The following GRIA4 variants were observed in gnomAD, a reference collection of about 807,000 sequenced individuals.
GRIA4 encodes the protein glutamate receptor 4.
In GRIA4, 34 loss-of-function variants were observed where a neutral mutation model predicts 104.0. The observed-to-expected ratio is 0.33, with a 90% CI of 0.25 to 0.44. The LOEUF is 0.44. Ranked by LOEUF, GRIA4 falls within the 20% of genes least tolerant of loss-of-function variation. The probability of loss-of-function intolerance (pLI) is 1.00; values close to 1 mark genes in which losing one functional copy is unlikely to be tolerated. For synonymous variants in GRIA4, 386 were observed against 381.9 expected (o/e 1.01, Z -0.13); for missense variants, 750 against 1,096.5 (o/e 0.68, Z 4.46).
At chr11:105,727,845 C>G (rs1276950805) in intron 3 of GRIA4, among the ~76,000 whole-genome samples, 1 of 152,168 alleles carries the variant, frequency 6.6e-6, no homozygotes, top group African/African-American at 2.4e-5. Flanking sequence ...TTGTCACCAC[C>G]AGGCCTGCCT....
At chr11:105,819,638 G>C (rs1047105964) in intron 4 of GRIA4, among the ~76,000 whole-genome samples, 1 of 152,018 alleles carries the variant, frequency 6.6e-6, no homozygotes, top group Non-Finnish European at 1.5e-5. Flanking sequence ...ACGCTCCTGG[G>C]TAGGGGGTAA....
chr11:105,733,247 A>G (rs187352192), intron 3 of GRIA4, among the ~76,000 whole-genome samples: 107 of 152,330 alleles, frequency 7.0e-4, no homozygotes, highest in African/African-American at 2.4e-3. Context: ...ATGATGCCAT[A>G]CTTTAGAGAA....
chr11:105,669,038 C>G (rs1489740217), intron 3 of GRIA4, among the ~76,000 whole-genome samples: 2 of 151,906 alleles, frequency 1.3e-5, no homozygotes, highest in East Asian at 3.9e-4. Flanking sequence ...AGAGTGCATA[C>G]CTTTCAGCAG....
intron 4 of GRIA4, among the ~76,000 whole-genome samples, chr11:105,843,299 C>T (rs1399013993): frequency 6.6e-6 from 1 of 151,734 alleles, no homozygotes. Context: ...AATAGGGTCA[C>T]TTGATCTTCA....
intron 5 of GRIA4, among the ~76,000 whole-genome samples, chr11:105,868,856 C>T (rs1450319301): frequency 6.6e-6 from 1 of 152,114 alleles, no homozygotes; most frequent in Non-Finnish European, 1.5e-5. Flanking sequence ...TTGAGCTTTG[C>T]TCAATCAGGA....
At chr11:105,903,747 C>G in intron 7 of GRIA4, 67 bp from the exon 8 acceptor site, 1 of 1,094,894 alleles carries the variant, frequency 9.1e-7, no homozygotes. Flanking sequence ...TTACAAAGAC[C>G]CCAGACCATT....
intron 3 of GRIA4, among the ~76,000 whole-genome samples, chr11:105,718,143 T>C (rs1954165639): frequency 6.6e-6 from 1 of 152,064 alleles, no homozygotes; most frequent in Non-Finnish European, 1.5e-5. Flanking sequence ...AAGCCCAGAA[T>C]ATGGAAAAAG....
At chr11:105,932,148 C>T (rs1355416507) in intron 13 of GRIA4, among the ~76,000 whole-genome samples, 10 of 148,314 alleles carry the variant, frequency 6.7e-5, no homozygotes, top group Admixed American at 4.7e-4. Context: ...TTCTTTTTTT[C>T]TTTTTTTTTA....
chr11:105,668,068 C>T (rs1287506276), intron 3 of GRIA4, among the ~76,000 whole-genome samples: 1 of 151,184 alleles, frequency 6.6e-6, no homozygotes, highest in Non-Finnish European at 1.5e-5. Context: ...ACTATTTTAG[C>T]TTTGACATAT....
At chr11:105,902,667 TGA>T (rs1477281931) in intron 7 of GRIA4, among the ~76,000 whole-genome samples, 1 of 152,178 alleles carries the variant, frequency 6.6e-6, no homozygotes, top group Non-Finnish European at 1.5e-5. Context: ...GAATTTCAAA[TGA>T]TTTTTCTTCA....
chr11:105,712,542 A>T (rs1953947455), intron 3 of GRIA4, among the ~76,000 whole-genome samples: 1 of 152,160 alleles, frequency 6.6e-6, no homozygotes, highest in Non-Finnish European at 1.5e-5. Context: ...TGAAAATTGC[A>T]AAGGAAATTC....
At chr11:105,717,585 T>C (rs967267274) in intron 3 of GRIA4, among the ~76,000 whole-genome samples, 1 of 152,050 alleles carries the variant, frequency 6.6e-6, no homozygotes, top group Non-Finnish European at 1.5e-5. Flanking sequence ...GAAGTACAAA[T>C]TCCAATGGTA....
intron 3 of GRIA4, among the ~76,000 whole-genome samples, chr11:105,733,644 G>A (rs2135621344): frequency 6.6e-6 from 1 of 152,054 alleles, no homozygotes; most frequent in Admixed American, 6.5e-5. Context: ...TTTTAGTAGA[G>A]ACGGGGTTTC....
intron 3 of GRIA4, among the ~76,000 whole-genome samples, chr11:105,637,065 T>C (rs1045403946): frequency 1.3e-5 from 2 of 152,212 alleles, no homozygotes; most frequent in African/African-American, 4.8e-5. Flanking sequence ...AGAACGTTTA[T>C]AAGATTAAAA....
intron 3 of GRIA4, among the ~76,000 whole-genome samples, chr11:105,627,236 G>GTGTA (rs1950909033): frequency 1.3e-5 from 2 of 152,100 alleles, no homozygotes; most frequent in South Asian, 4.1e-4. Context: ...AAAGTGTAAG[G>GTGTA]TGTATGGATG....
At chr11:105,645,911 T>C (rs1033450159) in intron 3 of GRIA4, among the ~76,000 whole-genome samples, 4 of 152,202 alleles carry the variant, frequency 2.6e-5, no homozygotes, top group Non-Finnish European at 5.9e-5. Context: ...AAAGAGTTTG[T>C]TATATTCCAG....
chr11:105,934,070 T>C (rs1206496500), intron 14 of GRIA4, 101 bp downstream of exon 14: 4 of 935,164 alleles, frequency 4.3e-6, no homozygotes, highest in Non-Finnish European at 6.3e-6. Flanking sequence ...GAACATGGTA[T>C]GTTTGTTTGT....
chr11:105,658,224 T>G (rs1183608365), intron 3 of GRIA4, among the ~76,000 whole-genome samples: 1 of 151,834 alleles, frequency 6.6e-6, no homozygotes, highest in Non-Finnish European at 1.5e-5. Context: ...ATACATATAT[T>G]TCTAGTATTC....
chr11:105,774,280 C>A (rs1941356051), intron 4 of GRIA4, among the ~76,000 whole-genome samples: 2 of 150,320 alleles, frequency 1.3e-5, no homozygotes, highest in Non-Finnish European at 1.5e-5. Context: ...GAAAAGAAAC[C>A]AAAATAGCAC....
Sources: allele counts gnomAD v4.1 joint callset (sites outside exome capture counted in the v4.1 genomes callset), GRCh38; gene constraint gnomAD v4.1.1; transcripts MANE v1.5; gene names NCBI Gene and HGNC (gene_info 2026-07-23, HGNC 2026-07-21).